Variants in CCAR1 observed in about 807,000 individuals in gnomAD.
CCAR1 encodes the protein cell division cycle and apoptosis regulator protein 1.
CCAR1 carries 78 observed loss-of-function variants against 163.8 expected under a neutral mutation model. That is an observed-to-expected ratio of 0.48 (90% CI 0.40 to 0.57). The LOEUF is 0.57. Among genes scored for constraint, CCAR1 ranks in the 20% least tolerant of loss-of-function variants. The probability of loss-of-function intolerance (pLI) is 0.00; values close to 1 mark genes in which losing one functional copy is unlikely to be tolerated. For synonymous variants in CCAR1, 443 were observed against 460.7 expected (o/e 0.96, Z 0.49); for missense variants, 1,019 against 1,365.2 (o/e 0.75, Z 4.00).
At chr10:68,735,371 CTTTTTT>C (rs34103994) in intron 2 of CCAR1, among the ~76,000 whole-genome samples, 6 of 115,396 alleles carry the variant, frequency 5.2e-5, no homozygotes, top group Admixed American at 9.8e-5. Flanking sequence ...CGTTTTTGTG[CTTTTTT>C]TTTTTTTTTT....
chr10:68,745,593 A>G (rs1350254952), intron 6 of CCAR1, among the ~76,000 whole-genome samples: 1 of 151,468 alleles, frequency 6.6e-6, no homozygotes, highest in East Asian at 1.9e-4. Context: ...CCTCCTGAGT[A>G]GCTGGGATTA....
Position 68,737,900 on chromosome 10 carries a change from A to G in CCAR1, c.291+11A>G, listed in dbSNP as rs753054579. The G allele has an allele frequency of 6.4e-7, 1 of 1,569,492 alleles. No individual in the cohort carries two copies. Among genetic ancestry groups the G allele is most frequent in the Non-Finnish European group, 8.7e-7 (1 of 1,153,072 alleles). ...AGTGTGCAACAACAGGTTAGTTTAT[A>G]TTTTCCGTGTTAAAAACTGATTTTA... On this transcript the variant is annotated intron_variant, in intron 4 of 24. Transcript: ENST00000265872.
At chr10:68,782,839 GAGATCTGCTC>G in intron 19 of CCAR1, among the ~76,000 whole-genome samples, 1 of 152,100 alleles carries the variant, frequency 6.6e-6, no homozygotes, top group African/African-American at 2.4e-5. Context: ...GCCCGCTGTT[GAGATCTGCTC>G]AGAAAAAAAG....
chr10:68,749,483 A>C, intron 9 of CCAR1, 41 bp from the exon 10 acceptor site: 1 of 1,523,934 alleles, frequency 6.6e-7, no homozygotes, highest in Non-Finnish European at 9.0e-7. Context: ...CTTTTCCATA[A>C]TATTAGAAAT....
chr10:68,727,193 G>C lies in CCAR1; in HGVS notation c.73+4616G>C, dbSNP rs372532956. ...AGTGATTCTTGTGCCTCAGCCTTTGGGACTGTAGCTGGGACTACAGGCGCG... is the reference window on the plus strand; with the variant it reads ...AGTGATTCTTGTGCCTCAGCCTTTGCGACTGTAGCTGGGACTACAGGCGCG... On this transcript the variant is annotated intron_variant, in intron 2 of 24. Transcript: ENST00000265872. Among the ~76,000 whole-genome samples, 22 of 150,562 alleles carry C rather than the reference G, an allele frequency of 1.5e-4. No homozygotes were observed. In the East Asian group the frequency reaches 3.6e-3, roughly 25 times the overall value.
rs771705158 is a variant in CCAR1 at position 68,749,285 on chromosome 10, C to G, written c.956+20C>G. On this transcript the variant is annotated intron_variant, in intron 9 of 24. Coordinates refer to ENST00000265872, the MANE Select transcript of CCAR1 (RefSeq NM_018237.4). Reference sequence around the variant, plus strand: ...TCGAAGGTATATTTTCTAAAGTGTACTGTGGATGGTGGCAATGGTTGTACA... The same window carrying G: ...TCGAAGGTATATTTTCTAAAGTGTAGTGTGGATGGTGGCAATGGTTGTACA... 4.4e-6 allele frequency: 7 copies of G among 1,591,728 alleles called. No individual in the cohort carries two copies. In the South Asian group the frequency reaches 6.9e-5, roughly 16 times the overall value.
chr10:68,771,471 A>G (rs773026359), intron 18 of CCAR1, 26 bp downstream of exon 18: 3 of 1,541,988 alleles, frequency 1.9e-6, no homozygotes, highest in Non-Finnish European at 2.6e-6. Flanking sequence ...CTGCTTTAGA[A>G]GCTTTCAGTT....
intron 8 of CCAR1, among the ~76,000 whole-genome samples, chr10:68,748,682 G>T (rs2056291527): frequency 6.6e-6 from 1 of 151,728 alleles, no homozygotes; most frequent in Admixed American, 6.6e-5. Flanking sequence ...TAGAGACAGG[G>T]TTTCACCATG....
intron 17 of CCAR1, among the ~76,000 whole-genome samples, chr10:68,767,447 T>G (rs2133389511): frequency 6.6e-6 from 1 of 152,164 alleles, no homozygotes; most frequent in Admixed American, 6.6e-5. Flanking sequence ...TTTTGTATTT[T>G]TAGTAGGGAC....
intron 12 of CCAR1, 63 bp from the exon 13 acceptor site, chr10:68,755,307 G>T: frequency 7.1e-7 from 1 of 1,406,242 alleles, no homozygotes; most frequent in Non-Finnish European, 1.0e-6. Flanking sequence ...TCCTTCTCAA[G>T]TATCTTATTG....
At chr10:68,781,860 A>C (rs990538743) in intron 19 of CCAR1, among the ~76,000 whole-genome samples, 2 of 152,076 alleles carry the variant, frequency 1.3e-5, no homozygotes, top group African/African-American at 4.8e-5. Context: ...CAAAAATAAT[A>C]ATCATAATAA....
chr10:68,721,624 C>T (rs1185041235), intron 1 of CCAR1: 1 of 444,396 alleles, frequency 2.3e-6, no homozygotes, highest in Non-Finnish European at 4.5e-6. Flanking sequence ...ATCGTGGCGG[C>T]TCCCGGCGGC....
chr10:68,744,433 T>A (rs1312702577), intron 6 of CCAR1, among the ~76,000 whole-genome samples: 1 of 152,200 alleles, frequency 6.6e-6, no homozygotes, highest in African/African-American at 2.4e-5. Flanking sequence ...CAGACCAGCC[T>A]GGGCAACATA....
chr10:68,752,463 C>T (rs902990138), intron 10 of CCAR1, among the ~76,000 whole-genome samples: 49 of 152,070 alleles, frequency 3.2e-4, no homozygotes, highest in Admixed American at 2.8e-3. Context: ...TCTGGTGATA[C>T]GGAATTGGGA....
chr10:68,721,465 C>G (rs1016732019), intron 1 of CCAR1, 183 bp downstream of exon 1: 2 of 378,812 alleles, frequency 5.3e-6, no homozygotes, highest in African/African-American at 2.2e-5. Flanking sequence ...CGGGTCGGAG[C>G]AGGCCCGGCG....
At chr10:68,730,648 AT>A (rs1488688326) in intron 2 of CCAR1, among the ~76,000 whole-genome samples, 5 of 151,942 alleles carry the variant, frequency 3.3e-5, no homozygotes, top group Admixed American at 3.3e-4. Flanking sequence ...AAAAGAACAT[AT>A]TTTTATCCTT....
intron 17 of CCAR1, among the ~76,000 whole-genome samples, chr10:68,769,737 C>T (rs994920862): frequency 2.3e-4 from 34 of 150,950 alleles, no homozygotes; most frequent in African/African-American, 7.5e-4. Context: ...GCCAGGAGAT[C>T]GAGACCATCC....
At chr10:68,791,155 C>A in intron 24 of CCAR1, 52 bp from the exon 25 acceptor site, 1 of 1,088,574 alleles carries the variant, frequency 9.2e-7, no homozygotes, top group Non-Finnish European at 1.4e-6. Flanking sequence ...ATCAAAGTAA[C>A]ATTTAAGATA....
intron 19 of CCAR1, among the ~76,000 whole-genome samples, chr10:68,774,535 G>A (rs2056640263): frequency 6.6e-6 from 1 of 151,882 alleles, no homozygotes; most frequent in South Asian, 2.1e-4. Flanking sequence ...GGAGGCTGAG[G>A]CGGGAGAATG....
Sources: gnomAD v4.1 joint callset for allele counts (sites outside exome capture counted in the v4.1 genomes callset) on GRCh38, gnomAD v4.1.1 for gene constraint, MANE v1.5 for transcripts, NCBI Gene and HGNC (gene_info 2026-07-23, HGNC 2026-07-21) for gene names.